Variants in ORC1 observed in about 807,000 individuals in gnomAD.
ORC1 encodes origin recognition complex subunit 1.
In ORC1, 61 loss-of-function variants were observed where a neutral mutation model predicts 98.9. That is an observed-to-expected ratio of 0.62 (90% CI 0.50 to 0.76). The LOEUF (loss-of-function observed/expected upper bound fraction) is 0.76, where lower values mean the gene tolerates loss of function less well. ORC1 is among the 30% of genes least tolerant of loss of function. ORC1 has a pLI of 0.00. For missense variants in ORC1, 979 were observed against 1,072.2 expected, an observed-to-expected ratio of 0.91 and a Z score of 1.21; for synonymous variants, 385 against 406.9, an observed-to-expected ratio of 0.95 and a Z score of 0.65.
chr1:52,383,074 A>C (rs1201093923), intron 13 of ORC1, among the ~76,000 whole-genome samples: 3 of 150,270 alleles, frequency 2.0e-5, no homozygotes, highest in African/African-American at 2.4e-5. Context: ...TTTTTGCAGA[A>C]CTTTTTTTTT....
At chr1:52,383,260 G>A (rs1000049867) in intron 13 of ORC1, among the ~76,000 whole-genome samples, 160 bp downstream of exon 13, 4 of 151,880 alleles carry the variant, frequency 2.6e-5, no homozygotes, top group African/African-American at 9.7e-5. Flanking sequence ...TGTTGGCCAG[G>A]CTGGTCTTGA....
intron 3 of ORC1, among the ~76,000 whole-genome samples, chr1:52,400,400 TG>T (rs930299976): frequency 6.6e-6 from 1 of 152,246 alleles, no homozygotes; most frequent in African/African-American, 2.4e-5. Context: ...GCTTATGACT[TG>T]TTTTTTTCTG....
Position 52,396,332 on chromosome 1 carries a change from C to T in ORC1, c.435G>A (p.Pro145=), listed in dbSNP as rs886046398. 1.1e-5 allele frequency: 17 copies of T among 1,613,948 alleles called. No individual in the cohort carries two copies. Among genetic ancestry groups the T allele is most frequent in the African/African-American group, 1.3e-5 (1 of 74,884 alleles). ...GTGTCTTCTCATTTTTCAGATTCGT[C>T]GGTACCACATCCTTTGGGGCTAAAG... ...VIPLAPKDVV[P]TNLKNEKTLF... is the part of the protein sequence containing the mutation. Residue 145 remains proline, a synonymous_variant, in exon 5 of 17, where the codon CCG becomes CCA. Coordinates refer to ENST00000371568, the MANE Select transcript of ORC1 (RefSeq NM_004153.4).
chr1:52,393,894 A>G lies in ORC1; in HGVS notation c.722-91T>C, dbSNP rs547589604. On this transcript the variant is annotated intron_variant, in intron 5 of 16. Coordinates refer to ENST00000371568, the MANE Select transcript of ORC1 (RefSeq NM_004153.4). ...CAGCCAAATTCAGCCACTGAGTTATATGTAAAACAGGAATTATCTATATTT... is the reference window on the plus strand; with the variant it reads ...CAGCCAAATTCAGCCACTGAGTTATGTGTAAAACAGGAATTATCTATATTT... The G allele has an allele frequency of 5.2e-6, 7 of 1,334,168 alleles. No individual in the cohort carries two copies. The African/African-American group carries it at 8.6e-5, about 16-fold the overall frequency. The allele number at this position is 1,334,168 out of a possible 1,614,324, so 82.6% of individuals were successfully genotyped here. A position where few individuals can be genotyped will look rare whatever the true frequency, so the allele number is the denominator to read the frequency against.
chr1:52,374,143 ACT>A (rs1361722136), intron 16 of ORC1, among the ~76,000 whole-genome samples: 2 of 152,184 alleles, frequency 1.3e-5, no homozygotes, highest in African/African-American at 2.4e-5. Context: ...AATGAAAGTC[ACT>A]CTCTGCAGAA....
At chr1:52,389,874 T>C (rs1045816490) in intron 6 of ORC1, among the ~76,000 whole-genome samples, 2 of 152,160 alleles carry the variant, frequency 1.3e-5, no homozygotes, top group Non-Finnish European at 2.9e-5. Flanking sequence ...AAATGAGTCC[T>C]AGCCAGAGCA....
intron 5 of ORC1, 142 bp from the exon 6 acceptor site, chr1:52,393,945 C>T: frequency 1.1e-6 from 1 of 907,910 alleles, no homozygotes; most frequent in South Asian, 1.7e-5. Context: ...TTGCTTTCTC[C>T]AGCCCAGGTA....
upstream of ORC1, among the ~76,000 whole-genome samples, chr1:52,405,248 T>TA (rs1647945096): frequency 6.6e-6 from 1 of 152,238 alleles, no homozygotes; most frequent in South Asian, 2.1e-4. Flanking sequence ...TTCATGATCT[T>TA]ACTATTCTTA....
intron 5 of ORC1, 113 bp from the exon 6 acceptor site, chr1:52,393,916 A>G: frequency 8.6e-7 from 1 of 1,162,836 alleles, no homozygotes; most frequent in Non-Finnish European, 1.2e-6. Context: ...AATTATCTAT[A>G]TTTTTAATCA....
upstream of ORC1, among the ~76,000 whole-genome samples, chr1:52,406,558 C>G (rs1648004218): frequency 6.6e-6 from 1 of 152,240 alleles, no homozygotes; most frequent in Middle Eastern, 3.4e-3. Context: ...ATTTTCTAAA[C>G]TTTGCTTATC....
At chr1:52,383,626 C>T in intron 12 of ORC1, 57 bp from the exon 13 acceptor site, 2 of 1,585,876 alleles carry the variant, frequency 1.3e-6, no homozygotes, top group Non-Finnish European at 1.7e-6. Flanking sequence ...GCTGGTGCTT[C>T]AAAATGAAGA....
upstream of ORC1, among the ~76,000 whole-genome samples, chr1:52,406,242 C>T (rs527603169): frequency 7.2e-5 from 11 of 151,978 alleles, no homozygotes; most frequent in East Asian, 3.9e-4. Flanking sequence ...CCTCCCCCCC[C>T]GGGCCTCCCA....
At chr1:52,375,892 G>A (rs919782917) in intron 14 of ORC1, among the ~76,000 whole-genome samples, 1 of 152,178 alleles carries the variant, frequency 6.6e-6, no homozygotes, top group Non-Finnish European at 1.5e-5. Context: ...GATCACTATT[G>A]AAGCATCTGC....
Position 52,401,761 on chromosome 1 carries a change from A to T in ORC1, c.96-272T>A, listed in dbSNP as rs533197915. Among the ~76,000 whole-genome samples, 478 of 152,284 alleles carry T rather than the reference A, an allele frequency of 3.1e-3. 2 individuals carry two copies. Among genetic ancestry groups the T allele is most frequent in the African/African-American group, 0.011 (452 of 41,548 alleles). On this transcript the variant is annotated intron_variant, in intron 2 of 16. Transcript: ENST00000371568. The stretch of plus-strand genomic sequence containing the variant: ...GAACAACAAATGCTTCCCACAACAA[A>T]TGTTTCCCAAGGCTGTCAAGCTGCC...
chr1:52,407,138 C>T (rs986337762), upstream of ORC1, among the ~76,000 whole-genome samples: 7 of 152,214 alleles, frequency 4.6e-5, no homozygotes, highest in African/African-American at 1.7e-4. Context: ...CTGCCTCAGC[C>T]TCCCAAGTAG....
upstream of ORC1, chr1:52,404,651 AACT>A: frequency 2.2e-6 from 3 of 1,389,834 alleles, no homozygotes; most frequent in Admixed American, 6.6e-5. Flanking sequence ...TGTTTAGTGA[AACT>A]TCTTCCACCT....
chr1:52,408,328 T>C (rs1648056604), upstream of ORC1: 2 of 636,550 alleles, frequency 3.1e-6, no homozygotes, highest in Non-Finnish European at 2.9e-6. Context: ...ACTGATGATA[T>C]ATTTGAAAGT....
chr1:52,374,934 GGC>G (rs2147908936), intron 15 of ORC1, 37 bp from the exon 16 acceptor site: 1 of 1,314,016 alleles, frequency 7.6e-7, no homozygotes, highest in South Asian at 1.2e-5. Context: ...TTTTGTCAGT[GGC>G]TGTAACCCCA....
Position 52,375,464 on chromosome 1 carries a change from C to T in ORC1, c.2269G>A (p.Glu757Lys). The T allele has an allele frequency of 1.2e-6, 2 of 1,614,144 alleles. No homozygotes were observed. Among genetic ancestry groups the T allele is most frequent in the South Asian group, 1.1e-5 (1 of 91,084 alleles). ...GTGATGTATGATGATGAAAACATCT[C>T]ATCCACAGCTTCCATTGAGTGGGCT... The part of the protein sequence containing the change: ...TIAHSMEAVD[E>K]MFSSSYITAI... Residue 757 changes from glutamate to lysine, a missense_variant, in exon 15 of 17, where the codon GAG (glutamate) becomes AAG (lysine). Glu to Lys is a moderately conservative substitution (Grantham distance 56). Transcript: ENST00000371568.
Sources: allele counts gnomAD v4.1 joint callset (sites outside exome capture counted in the v4.1 genomes callset), GRCh38; gene constraint gnomAD v4.1.1; transcripts MANE v1.5; gene names NCBI Gene and HGNC (gene_info 2026-07-23, HGNC 2026-07-21).